PRKCQ: variants seen among roughly 807,000 people sequenced by gnomAD.
The protein encoded by PRKCQ is protein kinase C theta, also known as protein kinase C theta type.
PRKCQ carries 41 observed loss-of-function variants against 91.2 expected under a neutral mutation model. The observed-to-expected ratio is 0.45, with a 90% CI of 0.35 to 0.58. The LOEUF is 0.58. PRKCQ is among the 20% of genes least tolerant of loss of function. The pLI, the probability that PRKCQ is intolerant of heterozygous loss-of-function variation, is 0.00. For synonymous variants in PRKCQ, 307 were observed against 316.9 expected (o/e 0.97, Z 0.33); for missense variants, 673 against 896.5 (o/e 0.75, Z 3.18).
At chr10:6,555,335 T>G (rs947855300) in intron 1 of PRKCQ, among the ~76,000 whole-genome samples, 2 of 152,048 alleles carry the variant, frequency 1.3e-5, no homozygotes, top group Non-Finnish European at 2.9e-5. Flanking sequence ...TCACCCATAA[T>G]AGACATTAAC....
chr10:6,483,317 G>T (rs767355175), intron 11 of PRKCQ, 123 bp downstream of exon 11: 12 of 1,313,854 alleles, frequency 9.1e-6, no homozygotes, highest in Middle Eastern at 1.9e-4. Context: ...GCTCCCTCAG[G>T]AAAGCTGTCT....
intron 13 of PRKCQ, among the ~76,000 whole-genome samples, chr10:6,463,322 T>C (rs1015461393): frequency 6.6e-6 from 1 of 152,194 alleles, no homozygotes; most frequent in Non-Finnish European, 1.5e-5. Context: ...CTGGATCTTG[T>C]GGAAGAATGC....
chr10:6,434,910 A>G lies in PRKCQ; in HGVS notation c.1837-3972T>C, dbSNP rs143883023. Among the ~76,000 whole-genome samples the G allele has an allele frequency of 2.3e-3, 355 of 152,224 alleles. 4 individuals are homozygous for G. Among genetic ancestry groups the G allele is most frequent in the South Asian group, 0.021 (100 of 4,824 alleles). ...CCTGGATGGATAAATGAGGAAGTAA[A>G]GAGTGTTTTTTTTCTTTTTTTTGAG... On this transcript the variant is annotated intron_variant, in intron 16 of 17. Transcript: ENST00000263125.
chr10:6,424,152 G>A (rs573055478), downstream of PRKCQ, among the ~76,000 whole-genome samples: 4 of 152,110 alleles, frequency 2.6e-5, no homozygotes, highest in African/African-American at 7.2e-5. Flanking sequence ...TATTATTTGC[G>A]CCCACCATCC....
the PRKCQ span, among the ~76,000 whole-genome samples, chr10:6,417,243 G>A: frequency 1.5e-4 from 23 of 152,304 alleles, no homozygotes; most frequent in African/African-American, 5.1e-4. Flanking sequence ...TTGGGTGGAT[G>A]TCATCAGTTG....
At chr10:6,409,329 C>T in the PRKCQ span, among the ~76,000 whole-genome samples, 1 of 152,206 alleles carries the variant, frequency 6.6e-6, no homozygotes, top group African/African-American at 2.4e-5. Context: ...GAGTCTTGCT[C>T]CGTCATCCAG....
the PRKCQ span, among the ~76,000 whole-genome samples, chr10:6,419,645 G>A: frequency 2.0e-5 from 3 of 147,748 alleles, no homozygotes; most frequent in East Asian, 2.0e-4. Context: ...GGGTTTCTGT[G>A]TATCACCCAC....
chr10:6,505,799 C>A (rs1392608800), intron 4 of PRKCQ, among the ~76,000 whole-genome samples: 2 of 152,118 alleles, frequency 1.3e-5, no homozygotes, highest in African/African-American at 4.8e-5. Context: ...GCACGCACCA[C>A]CAACTCTGGC....
intron 1 of PRKCQ, among the ~76,000 whole-genome samples, chr10:6,520,682 A>G (rs956454854): frequency 4.6e-5 from 7 of 152,042 alleles, no homozygotes; most frequent in African/African-American, 1.2e-4. Flanking sequence ...ACACATCTCC[A>G]TGGGAAGTTC....
At chr10:6,505,770 C>G (rs1280228442) in intron 4 of PRKCQ, among the ~76,000 whole-genome samples, 1 of 152,066 alleles carries the variant, frequency 6.6e-6, no homozygotes, top group Non-Finnish European at 1.5e-5. Context: ...CTCAGCCTCA[C>G]AAGTAGCTGG....
chr10:6,567,004 C>A (rs935543255), intron 1 of PRKCQ, among the ~76,000 whole-genome samples: 2 of 152,108 alleles, frequency 1.3e-5, no homozygotes, highest in Admixed American at 1.3e-4. Flanking sequence ...GCCTCATGAA[C>A]CTCCTCAATC....
Position 6,576,525 on chromosome 10 carries a change from G to A in PRKCQ, c.-10+3686C>T, listed in dbSNP as rs1207606859. On this transcript the variant is annotated intron_variant, in intron 1 of 17. Transcript: ENST00000263125. This position sits in a 1 kb window ranked among gnomAD's most constrained non-coding sequence, Gnocchi z 4.2. ...TCTTAGAGACAGGAAGTAGAAGGGT[G>A]GCTGCCAGGGGCTGAGAGGAAAGAC... 1.3e-5 allele frequency among the ~76,000 whole-genome samples: 2 copies of A among 152,180 alleles called. No homozygotes were observed. The highest frequency in any genetic ancestry group is 2.9e-5 in the Non-Finnish European group (2 of 68,038).
At chr10:6,395,166 C>G in the PRKCQ span, among the ~76,000 whole-genome samples, 1 of 150,880 alleles carries the variant, frequency 6.6e-6, no homozygotes, top group Non-Finnish European at 1.5e-5. Flanking sequence ...CGGGTTCACG[C>G]CATTCTCCCG....
At chr10:6,461,256 A>G (rs1366091348) in intron 14 of PRKCQ, among the ~76,000 whole-genome samples, 1 of 151,758 alleles carries the variant, frequency 6.6e-6, no homozygotes, top group Admixed American at 6.6e-5. Flanking sequence ...CATTCATCCA[A>G]CCATCTGTTC....
chr10:6,524,405 C>A lies in PRKCQ; in HGVS notation c.-9-9261G>T, dbSNP rs377536921. Among the ~76,000 whole-genome samples, 91 of 152,224 alleles carry A rather than the reference C, an allele frequency of 6.0e-4. 4 individuals are homozygous for A. In the South Asian group the frequency reaches 0.018, roughly 31 times the overall value. The stretch of plus-strand genomic sequence containing the variant: ...CTATGGTTACAAAGTGCTTGGAGGG[C>A]CTGAATTCAAACTCAGGCCTCAGAT... On this transcript the variant is annotated intron_variant, in intron 1 of 17. Transcript: ENST00000263125.
the PRKCQ span, among the ~76,000 whole-genome samples, chr10:6,398,656 GGAGA>G: frequency 6.6e-6 from 1 of 152,032 alleles, no homozygotes; most frequent in Non-Finnish European, 1.5e-5. Context: ...CTAGATGCTG[GGAGA>G]GAGAGAGAAA....
intron 14 of PRKCQ, among the ~76,000 whole-genome samples, chr10:6,460,577 C>A (rs919577801): frequency 1.3e-5 from 2 of 152,002 alleles, no homozygotes; most frequent in Non-Finnish European, 2.9e-5. Flanking sequence ...CTGCAACCTC[C>A]GCCTAACAGG....
intron 1 of PRKCQ, among the ~76,000 whole-genome samples, chr10:6,578,135 T>C (rs1408554289): frequency 6.6e-6 from 1 of 152,182 alleles, no homozygotes; most frequent in Non-Finnish European, 1.5e-5. Context: ...AAAGGGATCT[T>C]TGAGATTACA....
At chr10:6,437,997 GGTTA>G (rs1833787101) in intron 16 of PRKCQ, among the ~76,000 whole-genome samples, 1 of 152,120 alleles carries the variant, frequency 6.6e-6, no homozygotes, top group Non-Finnish European at 1.5e-5. Context: ...TAAAAAAATT[GGTTA>G]ATTTTGAGAT....
Sources: allele counts gnomAD v4.1 joint callset (sites outside exome capture counted in the v4.1 genomes callset), GRCh38; gene constraint gnomAD v4.1.1; non-coding constraint Gnocchi (gnomAD v3.1); transcripts MANE v1.5; gene names NCBI Gene and HGNC (gene_info 2026-07-23, HGNC 2026-07-21).